Variants in NRG2 observed in about 807,000 individuals in gnomAD.
NRG2 encodes the protein neuregulin 2.
A neutral mutation model predicts 73.9 loss-of-function variants in NRG2; 27 were observed. The ratio of observed to expected loss-of-function variants is 0.37; its 90% CI spans 0.27 to 0.50. The LOEUF (loss-of-function observed/expected upper bound fraction) is 0.50. Ranked by LOEUF, NRG2 falls within the 20% of genes least tolerant of loss-of-function variation. NRG2 has a pLI of 0.96. For missense variants in NRG2, 1,126 were observed against 1,210.1 expected (o/e 0.93, Z 1.03); for synonymous variants, 532 against 541.0 (o/e 0.98, Z 0.23).
At chr5:140,039,743 C>T (rs1761774908) in intron 1 of NRG2, among the ~76,000 whole-genome samples, 1 of 152,156 alleles carries the variant, frequency 6.6e-6, no homozygotes, top group Non-Finnish European at 1.5e-5. Flanking sequence ...AGAACCACAC[C>T]TCTCAGAACC....
Position 139,989,393 on chromosome 5 carries a change from G to C in NRG2, c.700+52977C>G, listed in dbSNP as rs866617137. On this transcript the variant is annotated intron_variant, in intron 1 of 9. Coordinates refer to ENST00000361474, the MANE Select transcript of NRG2 (RefSeq NM_004883.3). ...TGCCTGGCTAGCTAGCTAACCATTT[G>C]TTTAAAGTATTAAAAGCACCCATAA... Among the ~76,000 whole-genome samples the C allele has an allele frequency of 2.6e-5, 4 of 152,006 alleles. No homozygotes were observed. The Middle Eastern group carries it at 0.01, about 388-fold the overall frequency.
Position 139,868,510 on chromosome 5 carries a change from G to A in NRG2, c.1113-2885C>T, listed in dbSNP as rs1033857976. 5.3e-5 allele frequency among the ~76,000 whole-genome samples: 8 copies of A among 152,038 alleles called. No homozygotes were observed. Among genetic ancestry groups the A allele is most frequent in the Non-Finnish European group, 7.4e-5 (5 of 67,990 alleles). ...CAGCCTTCCCAGCCTTTCCCACCAG[G>A]TCATCAGTTATGACTCTGGGGAAGG... On this transcript the variant is annotated intron_variant, in intron 4 of 9. Transcript: ENST00000361474. The surrounding 1 kb of genome is among the most constrained non-coding windows in gnomAD (Gnocchi z 4.2).
intron 1 of NRG2, among the ~76,000 whole-genome samples, chr5:139,992,158 T>A (rs1278052990): frequency 6.6e-6 from 1 of 152,240 alleles, no homozygotes; most frequent in African/African-American, 2.4e-5. Context: ...ACTCCCTTAA[T>A]ATCTCTTAAT....
Position 139,880,859 on chromosome 5 carries a change from T to C in NRG2, c.988A>G (p.Ser330Gly). 1 of 1,613,698 alleles carries C rather than the reference T, an allele frequency of 6.2e-7. No homozygotes were observed. Among genetic ancestry groups the C allele is most frequent in the South Asian group, 1.1e-5 (1 of 91,058 alleles). ...CCCTCTGTCTGGGCCCACCTACCGC[T>C]GTTGACGTAAAGCCGGCCCCGGACG... Reference protein sequence around the residue: ...DTVRGRLYVNSVSTTLSSWSG... With the variant: ...DTVRGRLYVNGVSTTLSSWSG... The change falls in exon 3 of 10, where the codon AGC becomes GGC. Residue 330 changes from serine (S) to glycine (G), a missense_variant. By Grantham distance (56) the Ser-to-Gly change is moderately conservative. Around this residue, in one of 3 missense-constraint regions of NRG2, gnomAD observed 539 missense variants for 703.2 expected, o/e 0.77. Coordinates refer to ENST00000361474, the MANE Select transcript of NRG2 (RefSeq NM_004883.3).
chr5:139,903,930 C>T (rs547362937), intron 1 of NRG2, among the ~76,000 whole-genome samples: 19 of 152,352 alleles, frequency 1.2e-4, no homozygotes, highest in Non-Finnish European at 2.4e-4. Flanking sequence ...GCTCCCGGAG[C>T]GCTCGGCGGC....
intron 2 of NRG2, among the ~76,000 whole-genome samples, chr5:139,883,326 C>A (rs1186129733): frequency 6.7e-6 from 1 of 150,142 alleles, no homozygotes; most frequent in Non-Finnish European, 1.5e-5. Flanking sequence ...CCTACCCCCG[C>A]CCCCCGCCCC....
In NRG2 at chr5:139,892,621, A is replaced by G. The variant is rs572967361; in HGVS notation, c.701-5110T>C. ...TTCTCTTTTACAGCCCAGGGCCCAC[A>G]CTACAATGCTAGTGTATGGGTATAG... is the stretch of plus-strand genomic sequence containing the variant. On this transcript the variant is annotated intron_variant, in intron 1 of 9. Transcript: ENST00000361474. Among the ~76,000 whole-genome samples, 9 of 152,148 alleles carry G rather than the reference A, an allele frequency of 5.9e-5. No individual in the cohort carries two copies. The East Asian group carries it at 1.7e-3, about 29-fold the overall frequency.
chr5:140,030,294 T>C (rs1269628581), intron 1 of NRG2, among the ~76,000 whole-genome samples: 1 of 152,204 alleles, frequency 6.6e-6, no homozygotes, highest in Admixed American at 6.5e-5. Context: ...CAACTCAATG[T>C]TTTCTTTTAG....
intron 5 of NRG2, chr5:139,864,915 A>G: frequency 1.5e-6 from 1 of 647,362 alleles, no homozygotes; most frequent in Non-Finnish European, 2.8e-6. Context: ...TGGCTGCTGC[A>G]GAGAGAACTT....
intron 1 of NRG2, among the ~76,000 whole-genome samples, chr5:140,000,008 C>T (rs541943381): frequency 1.3e-5 from 2 of 152,296 alleles, no homozygotes; most frequent in African/African-American, 4.8e-5. Flanking sequence ...TCTTTATACG[C>T]TCATGCATTT....
At chr5:139,905,593 G>A (rs1236628372) in intron 1 of NRG2, among the ~76,000 whole-genome samples, 8 of 152,072 alleles carry the variant, frequency 5.3e-5, no homozygotes, top group Non-Finnish European at 8.8e-5. Context: ...CTTGTGGGGT[G>A]GGAACACAGA....
intron 1 of NRG2, among the ~76,000 whole-genome samples, chr5:139,993,658 T>G (rs1757809216): frequency 6.6e-6 from 1 of 152,238 alleles, no homozygotes; most frequent in South Asian, 2.1e-4. Flanking sequence ...ATGCAAGTCT[T>G]GTTCATTGCT....
rs528588766 is a variant in NRG2 at position 139,887,067 on chromosome 5, G to A, written c.872+273C>T. On this transcript the variant is annotated intron_variant, in intron 2 of 9. Coordinates refer to ENST00000361474, the MANE Select transcript of NRG2 (RefSeq NM_004883.3). This position sits in a 1 kb window ranked among gnomAD's most constrained non-coding sequence, Gnocchi z 4.5. ...GGGTCTTCCACTGATCAAGCTGACTGTGACAGTCAAATTGCCTTCAACTAT... is the reference window on the plus strand; with the variant it reads ...GGGTCTTCCACTGATCAAGCTGACTATGACAGTCAAATTGCCTTCAACTAT... 2.0e-5 allele frequency among the ~76,000 whole-genome samples: 3 copies of A among 152,332 alleles called. No individual in the cohort carries two copies. Among genetic ancestry groups the A allele is most frequent in the East Asian group, 1.9e-4 (1 of 5,190 alleles).
chr5:139,857,717 C>T (rs891874872), intron 5 of NRG2, among the ~76,000 whole-genome samples: 2 of 152,200 alleles, frequency 1.3e-5, no homozygotes, highest in Middle Eastern at 3.4e-3. Flanking sequence ...CTTCCTTACC[C>T]TCTTTTCAAA....
intron 5 of NRG2, among the ~76,000 whole-genome samples, chr5:139,859,412 A>G (rs952060323): frequency 6.6e-6 from 1 of 152,206 alleles, no homozygotes; most frequent in African/African-American, 2.4e-5. Context: ...ATGAAAAGCA[A>G]TGAACATGGA....
At chr5:139,997,718 T>A (rs930558769) in intron 1 of NRG2, among the ~76,000 whole-genome samples, 2 of 152,180 alleles carry the variant, frequency 1.3e-5, no homozygotes, top group Admixed American at 1.3e-4. Context: ...CAGCCCTCAA[T>A]GGGCCCTAGA....
At chr5:139,897,369 T>A (rs1219897093) in intron 1 of NRG2, among the ~76,000 whole-genome samples, 1 of 152,232 alleles carries the variant, frequency 6.6e-6, no homozygotes, top group Non-Finnish European at 1.5e-5. Context: ...GATAGCTTAA[T>A]AACCGGCAGC....
At chr5:139,964,485 C>T (rs1195175299) in intron 1 of NRG2, among the ~76,000 whole-genome samples, 1 of 152,158 alleles carries the variant, frequency 6.6e-6, no homozygotes, top group Non-Finnish European at 1.5e-5. Flanking sequence ...GGACCCAAAA[C>T]CCCCTAAAGC....
intron 1 of NRG2, among the ~76,000 whole-genome samples, chr5:140,029,235 C>CA (rs1760942574): frequency 6.6e-6 from 1 of 152,046 alleles, no homozygotes; most frequent in East Asian, 1.9e-4. Flanking sequence ...AACTGGGACT[C>CA]AAAAAAATTA....
Sources: gnomAD v4.1 joint callset for allele counts (sites outside exome capture counted in the v4.1 genomes callset) on GRCh38, gnomAD v4.1.1 for gene constraint, gnomAD v4.1.1 regional missense constraint, Gnocchi (gnomAD v3.1) non-coding constraint, MANE v1.5 for transcripts, NCBI Gene and HGNC (gene_info 2026-07-23, HGNC 2026-07-21) for gene names.